The following PLEKHA4 variants were observed in gnomAD, a reference collection of about 807,000 sequenced individuals.
The protein encoded by PLEKHA4 is pleckstrin homology domain-containing family A member 4.
Under a neutral mutation model 94.7 loss-of-function variants are expected in PLEKHA4, and 73 were observed. That is an observed-to-expected ratio of 0.77 (90% CI 0.64 to 0.94). The LOEUF is 0.94. Among genes scored for constraint, PLEKHA4 ranks in the 40% least tolerant of loss-of-function variants. The pLI is 0.00. For synonymous variants in PLEKHA4, 449 were observed against 437.1 expected (o/e 1.03, Z -0.34); for missense variants, 1,049 against 1,054.1 (o/e 1.00, Z 0.07).
intron 16 of PLEKHA4, among the ~76,000 whole-genome samples, chr19:48,841,604 C>T (rs536814504): frequency 7.2e-5 from 11 of 151,734 alleles, no homozygotes; most frequent in Non-Finnish European, 1.3e-4. Context: ...TCCAGCTGCA[C>T]AACAGAGCAA....
chr19:48,859,359 C>T, intron 7 of PLEKHA4, 110 bp downstream of exon 7: 1 of 1,205,094 alleles, frequency 8.3e-7, no homozygotes, highest in Non-Finnish European at 1.2e-6. Flanking sequence ...CCACGGGAGC[C>T]CCAGCAAGTC....
rs1295469769 is a variant in PLEKHA4 at position 48,839,207 on chromosome 19, A to C, written c.1962T>G (p.Ser654Arg). ...QKWLRSSGSWSSPRNTTPYLP... is the reference protein window; with the variant it reads ...QKWLRSSGSWRSPRNTTPYLP... ...TGATACGCCCTCCAGTTCCTTACCTACTCCAGGACCCAGAGCTTCTGAGCC... is the reference window on the plus strand; with the variant it reads ...TGATACGCCCTCCAGTTCCTTACCTCCTCCAGGACCCAGAGCTTCTGAGCC... The change falls in exon 18 of 20, where the codon AGT becomes AGG. Residue 654 changes from serine to arginine, a missense_variant and splice_region_variant. Coordinates refer to ENST00000263265, the MANE Select transcript of PLEKHA4 (RefSeq NM_020904.3). The C allele has an allele frequency of 1.9e-6, 3 of 1,583,904 alleles. No homozygotes were observed. The highest frequency in any genetic ancestry group is 3.5e-5 in the Admixed American group (2 of 56,732).
chr19:48,843,469 G>A (rs558825944), intron 16 of PLEKHA4, among the ~76,000 whole-genome samples: 18 of 151,460 alleles, frequency 1.2e-4, no homozygotes, highest in African/African-American at 2.2e-4. Flanking sequence ...GTTAGCCACC[G>A]CACGCGGTCT....
rs1480062593 is a variant in PLEKHA4, at chr19:48,852,297, A to G, written c.1356T>C (p.Ser452=). 2.5e-6 allele frequency: 4 copies of G among 1,614,048 alleles called. No individual in the cohort carries two copies. The highest frequency in any genetic ancestry group is 1.7e-6 in the Non-Finnish European group (2 of 1,180,014). ...AGGTGCCCAGCTCCTGCTCCAGGCC[A>G]CTGTACGTGTCCCAAACCCTCTCTC... is the stretch of plus-strand genomic sequence containing the variant. ...QERERVWDTY[S]GLEQELGTLR... Residue 452 remains serine (S), a synonymous_variant, in exon 13 of 20, where the codon AGT becomes AGC. Coordinates refer to ENST00000263265, the MANE Select transcript of PLEKHA4 (RefSeq NM_020904.3).
At chr19:48,840,364 G>C (rs112522166) in intron 17 of PLEKHA4, among the ~76,000 whole-genome samples, 2 of 150,960 alleles carry the variant, frequency 1.3e-5, no homozygotes, top group African/African-American at 4.9e-5. Context: ...GCAGTGAGTG[G>C]AGATCGCACC....
chr19:48,851,761 C>A (rs1032111608), intron 13 of PLEKHA4, among the ~76,000 whole-genome samples: 1 of 151,868 alleles, frequency 6.6e-6, no homozygotes, highest in Non-Finnish European at 1.5e-5. Context: ...TCAAGACCAG[C>A]CTGACCAACA....
chr19:48,839,143 C>A, intron 18 of PLEKHA4, 62 bp downstream of exon 18: 1 of 1,165,816 alleles, frequency 8.6e-7, no homozygotes, highest in Non-Finnish European at 1.2e-6. Flanking sequence ...AATAATGCTA[C>A]TCCCCTTTGC....
At chr19:48,846,017 A>G (rs2035957523) in intron 14 of PLEKHA4, among the ~76,000 whole-genome samples, 1 of 151,006 alleles carries the variant, frequency 6.6e-6, no homozygotes, top group Non-Finnish European at 1.5e-5. Context: ...CCTCAAAAAA[A>G]AAAAAAAAAA....
At chr19:48,849,375 C>G (rs1266356468) in intron 13 of PLEKHA4, among the ~76,000 whole-genome samples, 1 of 152,096 alleles carries the variant, frequency 6.6e-6, no homozygotes, top group Non-Finnish European at 1.5e-5. Flanking sequence ...GTGTCACGAT[C>G]TCGGCTCACT....
At chr19:48,858,744 T>C in intron 8 of PLEKHA4, 116 bp downstream of exon 8, 1 of 1,180,700 alleles carries the variant, frequency 8.5e-7, no homozygotes, top group Admixed American at 2.0e-5. Context: ...CCAGCTGAGA[T>C]CATTATGGAC....
At chr19:48,853,920 C>T in intron 11 of PLEKHA4, 87 bp downstream of exon 11, 1 of 1,595,042 alleles carries the variant, frequency 6.3e-7, no homozygotes, top group South Asian at 1.1e-5. Context: ...CCTGGACGTC[C>T]AGTCAGCATC....
At position 48,867,652 on chromosome 19, in the gene PLEKHA4, T is replaced by C. The variant is rs2036880417; in HGVS notation, c.-6-26A>G. 3 of 1,566,262 alleles carry C rather than the reference T, an allele frequency of 1.9e-6. No homozygotes were observed. The highest frequency in any genetic ancestry group is 2.6e-6 in the Non-Finnish European group (3 of 1,154,886). ...CTGGGGGAGAGAAAGAAAGGGGCTG[T>C]GTCTCTGCAGTGACGGGTGTGAGAC... On this transcript the variant is annotated intron_variant, in intron 1 of 19. Transcript: ENST00000263265. The surrounding 1 kb of genome is among the most constrained non-coding windows in gnomAD (Gnocchi z 4.7).
At chr19:48,854,568 T>G (rs951688050) in intron 9 of PLEKHA4, among the ~76,000 whole-genome samples, 1 of 151,868 alleles carries the variant, frequency 6.6e-6, no homozygotes, top group Non-Finnish European at 1.5e-5. Context: ...TTGCTGTTGG[T>G]TTTGGTAGCG....
intron 6 of PLEKHA4, 145 bp downstream of exon 6, chr19:48,860,205 G>A (rs1568552097): frequency 1.1e-5 from 7 of 665,502 alleles, no homozygotes; most frequent in South Asian, 7.5e-5. Flanking sequence ...AAGTTCCCTG[G>A]AGGTGGGGCC....
Position 48,841,184 on chromosome 19 carries a change from A to G in PLEKHA4, c.1870T>C (p.Ser624Pro). ...ACGTCAGGCTGGCGTCTGGCTGGGG[A>G]CAGTGTCCTTCCCAGGGTGAGAAGC... ...PRLLTLGRTL[S>P]PARRQPDVEQ... is the part of the protein sequence containing the mutation. Residue 624 changes from serine (S) to proline (P), a missense_variant, in exon 17 of 20, where the codon TCC (serine) becomes CCC (proline). By Grantham distance (74) the Ser-to-Pro change is moderately conservative. Coordinates refer to ENST00000263265, the MANE Select transcript of PLEKHA4 (RefSeq NM_020904.3). 1 of 1,612,064 alleles carries G rather than the reference A, an allele frequency of 6.2e-7. No individual in the cohort carries two copies. The highest frequency in any genetic ancestry group is 8.5e-7 in the Non-Finnish European group (1 of 1,179,298).
Position 48,859,053 on chromosome 19 carries a change from G to T in PLEKHA4, c.779C>A (p.Ser260Ter). 2 of 1,504,788 alleles carry T rather than the reference G, an allele frequency of 1.3e-6. No individual in the cohort carries two copies. Among genetic ancestry groups the T allele is most frequent in the Non-Finnish European group, 8.9e-7 (1 of 1,119,116 alleles). The allele number at this position is 1,504,788 out of a possible 1,614,324, so 93.2% of individuals were successfully genotyped here. The change falls in exon 8 of 20, where the codon TCA becomes TAA. Residue 260 changes from serine to a stop codon, truncating the protein, a stop_gained. Coordinates refer to ENST00000263265, the MANE Select transcript of PLEKHA4 (RefSeq NM_020904.3). LOFTEE classifies it high-confidence loss of function. Reference sequence around the variant, plus strand: ...TCGGGCAGGGGGTGCTGTGTCTCCTGAGGGGGCAGGGGGTCGCCGCGCAGG... The same window carrying T: ...TCGGGCAGGGGGTGCTGTGTCTCCTTAGGGGGCAGGGGGTCGCCGCGCAGG... ...SAPARRPPAP[S>*]GDTAPPARPH...
rs199761840 is a variant in PLEKHA4, at chr19:48,857,507, C to T, written c.973-11G>A. The T allele has an allele frequency of 1.1e-4, 160 of 1,514,898 alleles. No homozygotes were observed. Among genetic ancestry groups the T allele is most frequent in the African/African-American group, 3.6e-4 (26 of 72,048 alleles). 93.8% of individuals were successfully genotyped at this position (1,514,898 alleles called of 1,614,324 possible). A position where few individuals can be genotyped will look rare whatever the true frequency, so the allele number is the denominator to read the frequency against. On this transcript the variant is annotated splice_polypyrimidine_tract_variant and intron_variant, in intron 8 of 19. Coordinates refer to ENST00000263265, the MANE Select transcript of PLEKHA4 (RefSeq NM_020904.3). ...GGAGCCAGAGTGTGCCTGGGAGGAA[C>T]GTTGAAATGGAGATGTTTAGAAACT...
chr19:48,862,974 C>G (rs1437813014), intron 3 of PLEKHA4, among the ~76,000 whole-genome samples: 1 of 152,200 alleles, frequency 6.6e-6, no homozygotes, highest in Non-Finnish European at 1.5e-5. Context: ...TCCAATTATT[C>G]TGGAGCCTGA....
At chr19:48,864,685 C>T (rs1407563894) in intron 3 of PLEKHA4, among the ~76,000 whole-genome samples, 3 of 152,046 alleles carry the variant, frequency 2.0e-5, no homozygotes, top group Non-Finnish European at 2.9e-5. Flanking sequence ...CTTAGCCTCC[C>T]GAGTAGCTGG....
Sources: allele counts gnomAD v4.1 joint callset (sites outside exome capture counted in the v4.1 genomes callset), GRCh38; gene constraint gnomAD v4.1.1; non-coding constraint Gnocchi (gnomAD v3.1); transcripts MANE v1.5; gene names NCBI Gene and HGNC (gene_info 2026-07-23, HGNC 2026-07-21).